Variants in SLC9A4 observed in about 807,000 individuals in gnomAD.
The protein encoded by SLC9A4 is solute carrier family 9 member A4, also known as sodium/hydrogen exchanger 4.
SLC9A4 carries 63 observed loss-of-function variants against 67.4 expected under a neutral mutation model. That is an observed-to-expected ratio of 0.93 (90% CI 0.76 to 1.15). The LOEUF is 1.15. Ranked by LOEUF, SLC9A4 falls within the 50% of genes most tolerant of loss-of-function variation. The pLI is 0.00. For synonymous variants in SLC9A4, 393 were observed against 367.2 expected (o/e 1.07, Z -0.80); for missense variants, 1,089 against 987.7 (o/e 1.10, Z -1.38).
chr2:102,518,996 C>G (rs1468580985), intron 8 of SLC9A4, among the ~76,000 whole-genome samples: 1 of 152,150 alleles, frequency 6.6e-6, no homozygotes, highest in Non-Finnish European at 1.5e-5. Context: ...ATATATTATT[C>G]ATGTAATACA....
chr2:102,489,282 G>T (rs1474689408), intron 2 of SLC9A4, among the ~76,000 whole-genome samples: 1 of 152,168 alleles, frequency 6.6e-6, no homozygotes, highest in Non-Finnish European at 1.5e-5. Context: ...TGGCACCATG[G>T]GTGAGGAACA....
chr2:102,478,090 G>A (rs1399900193), intron 1 of SLC9A4, among the ~76,000 whole-genome samples: 7 of 152,156 alleles, frequency 4.6e-5, no homozygotes, highest in Admixed American at 3.9e-4. Flanking sequence ...ATCTTAGGTG[G>A]GAATTGAGAC....
Position 102,525,090 on chromosome 2 carries a change from A to T in SLC9A4, c.1885A>T (p.Ile629Phe). ...TSEKQAKEIL[I>F]RRQNTLRESM... Reference sequence around the variant, plus strand: ...TGAGAAGCAGGCTAAAGAGATTCTGATCCGCCGCCAGAACACCTTAAGGGA... The same window carrying T: ...TGAGAAGCAGGCTAAAGAGATTCTGTTCCGCCGCCAGAACACCTTAAGGGA... Residue 629 changes from isoleucine to phenylalanine, a missense_variant, in exon 10 of 12, where the codon ATC becomes TTC. By Grantham distance (21) the Ile-to-Phe change is conservative. Coordinates refer to ENST00000295269, the MANE Select transcript of SLC9A4 (RefSeq NM_001011552.4). The T allele has an allele frequency of 6.2e-7, 1 of 1,614,032 alleles. No homozygotes were observed. The highest frequency in any genetic ancestry group is 8.5e-7 in the Non-Finnish European group (1 of 1,179,982).
At position 102,479,298 on chromosome 2, in the gene SLC9A4, C is replaced by T. The variant is rs931649126; in HGVS notation, c.716C>T (p.Thr239Ile). ...GAGGCCCTGCTCAATGATGGCATTA[C>T]TGTGGTGAGATGTCATGTGCCCGCC... The part of the protein sequence containing the change: ...FGEALLNDGI[T>I]VVLYNMLIAF... The change falls in exon 2 of 12, where the codon ACT becomes ATT. Residue 239 changes from threonine to isoleucine, a missense_variant. Thr to Ile is a moderately conservative substitution (Grantham distance 89). Transcript: ENST00000295269. 1 of 1,606,480 alleles carries T rather than the reference C, an allele frequency of 6.2e-7. No homozygotes were observed. Among genetic ancestry groups the T allele is most frequent in the Non-Finnish European group, 8.5e-7 (1 of 1,176,644 alleles).
chr2:102,488,240 A>G (rs1032326220), intron 2 of SLC9A4, among the ~76,000 whole-genome samples: 2 of 150,402 alleles, frequency 1.3e-5, no homozygotes, highest in African/African-American at 2.5e-5. Flanking sequence ...CTGCAGTGGG[A>G]AAAAAAACAT....
intron 2 of SLC9A4, among the ~76,000 whole-genome samples, chr2:102,486,578 G>A (rs779665897): frequency 6.6e-5 from 10 of 152,276 alleles, no homozygotes; most frequent in Non-Finnish European, 1.5e-4. Context: ...TGGGAGCCAA[G>A]AGGAGATAGC....
chr2:102,518,660 C>G (rs1685328391), intron 8 of SLC9A4, among the ~76,000 whole-genome samples: 1 of 152,130 alleles, frequency 6.6e-6, no homozygotes, highest in African/African-American at 2.4e-5. Flanking sequence ...TATCTTTTAT[C>G]AAATGTACAT....
At chr2:102,477,909 T>C (rs539964139) in intron 1 of SLC9A4, among the ~76,000 whole-genome samples, 3 of 152,340 alleles carry the variant, frequency 2.0e-5, no homozygotes, top group Admixed American at 1.3e-4. Context: ...CTTCATTATA[T>C]ACTTACATGT....
At chr2:102,487,008 T>C (rs1041861439) in intron 2 of SLC9A4, among the ~76,000 whole-genome samples, 1 of 152,216 alleles carries the variant, frequency 6.6e-6, no homozygotes, top group Non-Finnish European at 1.5e-5. Flanking sequence ...GTGCTTTATC[T>C]GTGAGGCTCT....
chr2:102,481,390 G>A (rs1573327216), intron 2 of SLC9A4, among the ~76,000 whole-genome samples: 1 of 152,210 alleles, frequency 6.6e-6, no homozygotes, highest in East Asian at 1.9e-4. Context: ...ATAATAGTAA[G>A]CAACTTTTCA....
intron 2 of SLC9A4, among the ~76,000 whole-genome samples, chr2:102,502,570 G>A (rs11690932): frequency 0.71 from 107,807 of 152,198 alleles, 38,915 homozygotes; most frequent in Middle Eastern, 0.77. Context: ...ACACGCTTGG[G>A]AGGGGTTCAC....
intron 2 of SLC9A4, among the ~76,000 whole-genome samples, chr2:102,496,868 G>A (rs1456350622): frequency 6.6e-6 from 1 of 152,234 alleles, no homozygotes; most frequent in African/African-American, 2.4e-5. Flanking sequence ...TAGCATCCAA[G>A]ATGAGGTTGC....
intron 2 of SLC9A4, among the ~76,000 whole-genome samples, chr2:102,493,376 T>C (rs1363771911): frequency 6.6e-6 from 1 of 151,886 alleles, no homozygotes; most frequent in East Asian, 1.9e-4. Flanking sequence ...AGAGGTTTAA[T>C]TGACTCACAG....
At chr2:102,484,221 G>A (rs1301903439) in intron 2 of SLC9A4, among the ~76,000 whole-genome samples, 3 of 152,150 alleles carry the variant, frequency 2.0e-5, no homozygotes, top group East Asian at 1.9e-4. Context: ...CAATGACAGA[G>A]CAGACATGGG....
At chr2:102,484,328 T>G (rs1322391327) in intron 2 of SLC9A4, among the ~76,000 whole-genome samples, 1 of 152,152 alleles carries the variant, frequency 6.6e-6, no homozygotes, top group African/African-American at 2.4e-5. Flanking sequence ...AGAACCCACA[T>G]GCTACCGATG....
intron 2 of SLC9A4, among the ~76,000 whole-genome samples, chr2:102,481,613 T>C (rs909773152): frequency 2.6e-5 from 4 of 152,210 alleles, no homozygotes. Context: ...AAAAAAAAGA[T>C]TTATAGGAAT....
chr2:102,514,046 A>G (rs762739690), intron 7 of SLC9A4, 44 bp from the exon 8 acceptor site: 2 of 1,596,682 alleles, frequency 1.3e-6, no homozygotes, highest in African/African-American at 1.3e-5. Context: ...AATGTAACAC[A>G]TACAGACGTT....
chr2:102,507,996 C>T (rs576287833), intron 4 of SLC9A4, 83 bp from the exon 5 acceptor site: 58 of 1,325,124 alleles, frequency 4.4e-5, no homozygotes, highest in Middle Eastern at 1.8e-4. Context: ...TTGCAGGGCA[C>T]GCGCACACAA....
At chr2:102,486,010 G>A (rs1421000302) in intron 2 of SLC9A4, among the ~76,000 whole-genome samples, 1 of 152,188 alleles carries the variant, frequency 6.6e-6, no homozygotes, top group East Asian at 1.9e-4. Context: ...ACATGAGGGT[G>A]AACCATGTAT....
Sources: allele counts gnomAD v4.1 joint callset (sites outside exome capture counted in the v4.1 genomes callset), GRCh38; gene constraint gnomAD v4.1.1; transcripts MANE v1.5; gene names NCBI Gene and HGNC (gene_info 2026-07-23, HGNC 2026-07-21).